The following CCBE1 variants were observed in gnomAD, a reference collection of about 807,000 sequenced individuals.
CCBE1 encodes collagen and calcium binding EGF domains 1.
Under a neutral mutation model 50.0 loss-of-function variants are expected in CCBE1, and 37 were observed. The ratio of observed to expected loss-of-function variants is 0.74; its 90% CI spans 0.57 to 0.97. CCBE1 has a LOEUF of 0.97. Among genes scored for constraint, CCBE1 ranks in the 50% least tolerant of loss-of-function variants. The pLI is 0.00. For missense variants in CCBE1, 538 were observed against 523.8 expected, an observed-to-expected ratio of 1.03 and a Z score of -0.26; for synonymous variants, 234 against 203.7, an observed-to-expected ratio of 1.15 and a Z score of -1.27.
chr18:59,461,944 G>T (rs538216052), intron 5 of CCBE1, among the ~76,000 whole-genome samples: 2 of 152,176 alleles, frequency 1.3e-5, no homozygotes, highest in Middle Eastern at 6.8e-3. Flanking sequence ...ATGTTGGCCA[G>T]GCTGGTCTTG....
At chr18:59,504,906 G>A (rs1913798820) in intron 2 of CCBE1, among the ~76,000 whole-genome samples, 1 of 152,084 alleles carries the variant, frequency 6.6e-6, no homozygotes, top group African/African-American at 2.4e-5. Context: ...AAGGTCACAG[G>A]TAGCAAATCA....
Position 59,439,770 on chromosome 18 carries a change from G to T in CCBE1, c.822C>A (p.Gly274=), listed in dbSNP as rs1442915886. 1 of 1,614,030 alleles carries T rather than the reference G, an allele frequency of 6.2e-7. No individual in the cohort carries two copies. The highest frequency in any genetic ancestry group is 1.1e-5 in the South Asian group (1 of 91,090). The change falls in exon 8 of 11, where the codon GGC becomes GGA. Residue 274 remains glycine, a synonymous_variant. Transcript: ENST00000439986. ...KGSPGFPGMP[G]PPGQPGPRGS... is the part of the protein sequence containing the mutation. ...CCCGTGGGCCGGGCTGCCCAGGAGG[G>T]CCTGGCATACCGGGGAAGCCTGGGC...
chr18:59,627,541 T>A (rs1194820788), intron 2 of CCBE1, among the ~76,000 whole-genome samples: 1 of 152,194 alleles, frequency 6.6e-6, no homozygotes, highest in Non-Finnish European at 1.5e-5. Context: ...GCCGTCAAGT[T>A]AAGATGAGGT....
At chr18:59,459,599 C>G (rs543617928) in intron 5 of CCBE1, among the ~76,000 whole-genome samples, 1 of 152,272 alleles carries the variant, frequency 6.6e-6, no homozygotes, top group South Asian at 2.1e-4. Flanking sequence ...ACCAGGACGT[C>G]TATCCTAAGC....
At chr18:59,446,485 C>T (rs905425016) in intron 7 of CCBE1, among the ~76,000 whole-genome samples, 1 of 152,192 alleles carries the variant, frequency 6.6e-6, no homozygotes, top group Admixed American at 6.5e-5. Context: ...CCCGGAGTAC[C>T]TCAGGCCAAG....
chr18:59,636,253 A>G (rs937566410), intron 2 of CCBE1, among the ~76,000 whole-genome samples: 3 of 152,238 alleles, frequency 2.0e-5, no homozygotes, highest in East Asian at 1.9e-4. Context: ...AAAAAAAGCT[A>G]TATTAAAACA....
intron 2 of CCBE1, among the ~76,000 whole-genome samples, chr18:59,481,584 A>G (rs1023805109): frequency 1.2e-4 from 18 of 152,194 alleles, no homozygotes; most frequent in African/African-American, 3.6e-4. Context: ...AAAATTACAC[A>G]TGATATACAG....
intron 6 of CCBE1, among the ~76,000 whole-genome samples, chr18:59,448,419 A>G (rs1034116139): frequency 6.6e-6 from 1 of 152,120 alleles, no homozygotes; most frequent in Non-Finnish European, 1.5e-5. Context: ...CAATTTTTCA[A>G]TGACCTATTT....
intron 2 of CCBE1, among the ~76,000 whole-genome samples, chr18:59,633,840 A>G (rs1030940720): frequency 6.6e-6 from 1 of 152,216 alleles, no homozygotes; most frequent in Admixed American, 6.5e-5. Context: ...CATAAGTGAC[A>G]AATTTTATAA....
intron 2 of CCBE1, among the ~76,000 whole-genome samples, chr18:59,536,861 A>G (rs1186079745): frequency 6.6e-6 from 1 of 151,990 alleles, no homozygotes; most frequent in Non-Finnish European, 1.5e-5. Flanking sequence ...GCTTGGTGGC[A>G]TGCACCAGTA....
chr18:59,593,033 G>T (rs142235625), intron 2 of CCBE1, among the ~76,000 whole-genome samples: 20 of 152,308 alleles, frequency 1.3e-4, no homozygotes, highest in African/African-American at 4.3e-4. Flanking sequence ...GAAATGCAAG[G>T]AAGTGTTAGG....
chr18:59,538,447 C>CT (rs1199357763), intron 2 of CCBE1, among the ~76,000 whole-genome samples: 1 of 152,186 alleles, frequency 6.6e-6, no homozygotes, highest in Non-Finnish European at 1.5e-5. Flanking sequence ...AATCAATCAG[C>CT]TGATGTCTCC....
chr18:59,498,291 A>G (rs536255834), intron 2 of CCBE1, among the ~76,000 whole-genome samples: 59 of 152,336 alleles, frequency 3.9e-4, no homozygotes, highest in Admixed American at 3.6e-3. Flanking sequence ...AATTGATAAA[A>G]TTTGATACAA....
At chr18:59,651,002 A>G (rs1203066976) in intron 2 of CCBE1, among the ~76,000 whole-genome samples, 1 of 152,152 alleles carries the variant, frequency 6.6e-6, no homozygotes, top group East Asian at 1.9e-4. Context: ...GGGTCAAGGT[A>G]AATAGCTGAA....
chr18:59,481,596 G>GA (rs1261282490), intron 2 of CCBE1, among the ~76,000 whole-genome samples: 1 of 152,130 alleles, frequency 6.6e-6, no homozygotes, highest in East Asian at 1.9e-4. Context: ...GATATACAGG[G>GA]AAAGGATGAT....
At chr18:59,465,882 C>G (rs1598924017) in intron 5 of CCBE1, among the ~76,000 whole-genome samples, 1 of 152,242 alleles carries the variant, frequency 6.6e-6, no homozygotes, top group Non-Finnish European at 1.5e-5. Flanking sequence ...ACTCATTTCT[C>G]TAAGAGCACA....
At chr18:59,550,792 G>A (rs1915882624) in intron 2 of CCBE1, among the ~76,000 whole-genome samples, 1 of 151,960 alleles carries the variant, frequency 6.6e-6, no homozygotes, top group African/African-American at 2.4e-5. Context: ...ACTGTGGGAG[G>A]CGGAGGCAGG....
chr18:59,617,140 AAAG>A (rs1389382448), intron 2 of CCBE1, among the ~76,000 whole-genome samples: 4 of 152,238 alleles, frequency 2.6e-5, no homozygotes, highest in Admixed American at 2.6e-4. Flanking sequence ...TGTACAGTAC[AAAG>A]AAGAGGGCAG....
rs1472538215 is a variant in CCBE1, at chr18:59,435,952, T to C, written c.1177A>G (p.Thr393Ala). The C allele has an allele frequency of 1.2e-6, 2 of 1,614,150 alleles. No individual in the cohort carries two copies. Among genetic ancestry groups the C allele is most frequent in the South Asian group, 2.2e-5 (2 of 91,076 alleles). Reference protein sequence around the residue: ...LGSGDDHPRRTETRDLRAPRD... With the variant: ...LGSGDDHPRRAETRDLRAPRD... The stretch of plus-strand genomic sequence containing the variant: ...GGGGCTCTCAAGTCTCTTGTCTCAG[T>C]TCTTCTTGGATGGTCATCTCCAGAG... Residue 393 changes from threonine (T) to alanine (A), a missense_variant, in exon 11 of 11, where the codon ACT (threonine) becomes GCT (alanine). By Grantham distance (58) the Thr-to-Ala change is moderately conservative. Coordinates refer to ENST00000439986, the MANE Select transcript of CCBE1 (RefSeq NM_133459.4).
Sources: gnomAD v4.1 joint callset for allele counts (sites outside exome capture counted in the v4.1 genomes callset) on GRCh38, gnomAD v4.1.1 for gene constraint, MANE v1.5 for transcripts, NCBI Gene and HGNC (gene_info 2026-07-23, HGNC 2026-07-21) for gene names.